The following RAD51C variants were observed in gnomAD, a reference collection of about 807,000 sequenced individuals.
RAD51C encodes DNA repair protein RAD51 homolog 3.
RAD51C carries 42 observed loss-of-function variants against 45.0 expected under a neutral mutation model. The observed-to-expected ratio is 0.93, with a 90% CI of 0.73 to 1.21. The LOEUF (loss-of-function observed/expected upper bound fraction) is 1.21, where lower values mean the gene tolerates loss of function less well. Ranked by LOEUF, RAD51C falls within the 50% of genes most tolerant of loss-of-function variation. The pLI, the probability that RAD51C is intolerant of heterozygous loss-of-function variation, is 0.00. For missense variants in RAD51C, 474 were observed against 452.2 expected (o/e 1.05, Z -0.44); for synonymous variants, 172 against 159.8 (o/e 1.08, Z -0.58).
chr17:58,715,272 T>G (rs2048692460), intron 5 of RAD51C, among the ~76,000 whole-genome samples: 1 of 151,790 alleles, frequency 6.6e-6, no homozygotes, highest in Admixed American at 6.6e-5. Flanking sequence ...GCCAACATGG[T>G]GAAACCCCAT....
rs186167653 is a variant in RAD51C, at chr17:58,711,942, G to A, written c.837+1952G>A. On this transcript the variant is annotated intron_variant, in intron 5 of 8. Transcript: ENST00000337432. Reference sequence around the variant, plus strand: ...AGGCCAGATGTGGTAACTCACACCTGTAATCCCAGCACTTTTGGAAGGCCA... The same window carrying A: ...AGGCCAGATGTGGTAACTCACACCTATAATCCCAGCACTTTTGGAAGGCCA... Among the ~76,000 whole-genome samples, 45 of 151,968 alleles carry A rather than the reference G, an allele frequency of 3.0e-4. 1 individual carries two copies. The East Asian group carries it at 8.3e-3, about 28-fold the overall frequency.
chr17:58,703,432 C>T (rs2143804640), intron 4 of RAD51C, 103 bp downstream of exon 4: 1 of 1,297,518 alleles, frequency 7.7e-7, no homozygotes, highest in South Asian at 1.3e-5. Context: ...AAAGTCAAAG[C>T]CAATTGAGAA....
At chr17:58,694,698 C>T in intron 1 of RAD51C, 1 of 498,160 alleles carries the variant, frequency 2.0e-6, no homozygotes, top group Non-Finnish European at 3.6e-6. Context: ...TGGTCTTCAA[C>T]TCCTGACCTC....
rs775482687 is a variant in RAD51C, at chr17:58,692,715, G to GAT, written c.72_73insAT (p.Val25MetfsTer2). On this transcript the variant is annotated frameshift_variant, in exon 1 of 9. Transcript: ENST00000337432. LOFTEE classifies it high-confidence loss of function. The stretch of plus-strand genomic sequence containing the variant: ...GTTTCCCGCTGTCTCCAGCGGTGCG[G>GAT]GTGAAGCTGGTGTCTGCGGGGTTCC... The GAT allele has an allele frequency of 6.2e-7, 1 of 1,614,248 alleles. No homozygotes were observed.
intron 5 of RAD51C, among the ~76,000 whole-genome samples, chr17:58,711,564 GA>G (rs1243527823): frequency 1.3e-5 from 2 of 152,050 alleles, no homozygotes; most frequent in African/African-American, 4.8e-5. Flanking sequence ...GGGCTCAAGT[GA>G]TCCTGCCACC....
intron 3 of RAD51C, 106 bp downstream of exon 3, chr17:58,696,965 T>A: frequency 7.8e-7 from 1 of 1,283,258 alleles, no homozygotes; most frequent in Non-Finnish European, 1.1e-6. Flanking sequence ...GAAGCCTAAT[T>A]ACTGGACAGT....
chr17:58,692,939 C>A, intron 1 of RAD51C, 151 bp downstream of exon 1: 1 of 1,139,888 alleles, frequency 8.8e-7, no homozygotes, highest in Non-Finnish European at 1.3e-6. Context: ...TCCTCGACTC[C>A]ACTTACAAGT....
At chr17:58,720,709 G>T in intron 5 of RAD51C, 37 bp from the exon 6 acceptor site, 1 of 1,506,550 alleles carries the variant, frequency 6.6e-7, no homozygotes, top group South Asian at 1.1e-5. Context: ...AATTTTCAAA[G>T]AGACTCACCT....
chr17:58,693,174 A>G (rs1354409832), intron 1 of RAD51C: 2 of 252,998 alleles, frequency 7.9e-6, no homozygotes, highest in South Asian at 4.2e-5. Flanking sequence ...TGGTTGTCTA[A>G]TTTTTGCTGT....
chr17:58,728,787 A>G (rs1421568669), intron 7 of RAD51C, among the ~76,000 whole-genome samples: 3 of 152,272 alleles, frequency 2.0e-5, no homozygotes, highest in African/African-American at 7.2e-5. Context: ...TTCACCAGTA[A>G]CACCTGATTT....
At chr17:58,704,023 T>C (rs1411039449) in intron 4 of RAD51C, among the ~76,000 whole-genome samples, 1 of 138,270 alleles carries the variant, frequency 7.2e-6, no homozygotes, top group East Asian at 2.3e-4. Context: ...CCCAGAGTGC[T>C]GGGATTATAG....
intron 3 of RAD51C, among the ~76,000 whole-genome samples, chr17:58,701,180 C>T (rs2143783270): frequency 6.6e-6 from 1 of 152,070 alleles, no homozygotes; most frequent in Non-Finnish European, 1.5e-5. Context: ...GAATTACAGG[C>T]GTGAGCCACC....
intron 4 of RAD51C, chr17:58,706,550 C>T (rs1240031514): frequency 2.2e-6 from 1 of 464,160 alleles, no homozygotes; most frequent in Non-Finnish European, 4.5e-6. Context: ...CTTCCTCTCT[C>T]TGCAAGGGCC....
chr17:58,721,611 T>A (rs1378128622), intron 6 of RAD51C, among the ~76,000 whole-genome samples: 1 of 151,558 alleles, frequency 6.6e-6, no homozygotes. Context: ...AATACAAAAT[T>A]AGATGAGCAT....
Position 58,732,496 on chromosome 17 carries a change from G to GTACAAGTCACC in RAD51C, c.979_989dup (p.Ser331ThrfsTer37). ...TTTCTTTAAGCAGGTTGGCAACATT[G>GTACAAGTCACC]TACAAGTCACCCAGCCAGAAGGAAT... On this transcript the variant is annotated frameshift_variant, in exon 8 of 9. Transcript: ENST00000337432. LOFTEE classifies it high-confidence loss of function. The GTACAAGTCACC allele has an allele frequency of 6.2e-7, 1 of 1,613,116 alleles. No individual in the cohort carries two copies. The highest frequency in any genetic ancestry group is 8.5e-7 in the Non-Finnish European group (1 of 1,179,328).
rs546304472 is a variant in RAD51C at position 58,719,605 on chromosome 17, A to G, written c.838-1141A>G. Among the ~76,000 whole-genome samples, 4 of 152,220 alleles carry G rather than the reference A, an allele frequency of 2.6e-5. No individual in the cohort carries two copies. In the East Asian group the frequency reaches 7.7e-4, roughly 29 times the overall value. On this transcript the variant is annotated intron_variant, in intron 5 of 8. Coordinates refer to ENST00000337432, the MANE Select transcript of RAD51C (RefSeq NM_058216.3). ...TGAGGTGGGAGGATCATGTGAGTCT[A>G]GGACTTCAAGGACCACCTGGGCAAC...
chr17:58,721,236 C>T (rs1433064170), intron 6 of RAD51C, among the ~76,000 whole-genome samples: 3 of 152,020 alleles, frequency 2.0e-5, no homozygotes, highest in Non-Finnish European at 4.4e-5. Context: ...GAGCTGGGAT[C>T]GTGCATCTGC....
chr17:58,712,021 C>G (rs2048572111), intron 5 of RAD51C, among the ~76,000 whole-genome samples: 1 of 151,666 alleles, frequency 6.6e-6, no homozygotes, highest in Admixed American at 6.6e-5. Flanking sequence ...AACAACAAAG[C>G]TTGACCCCAT....
At chr17:58,696,059 T>G (rs2047992395) in intron 2 of RAD51C, among the ~76,000 whole-genome samples, 1 of 147,886 alleles carries the variant, frequency 6.8e-6, no homozygotes, top group Non-Finnish European at 1.5e-5. Context: ...AGAGCAAGAC[T>G]CTGTCTCAAA....
Sources: allele counts gnomAD v4.1 joint callset (sites outside exome capture counted in the v4.1 genomes callset), GRCh38; gene constraint gnomAD v4.1.1; transcripts MANE v1.5; gene names NCBI Gene and HGNC (gene_info 2026-07-23, HGNC 2026-07-21).